Variants in ME1 observed in about 807,000 individuals in gnomAD.
ME1 encodes NADP-dependent malic enzyme.
ME1 carries 74 observed loss-of-function variants against 66.4 expected under a neutral mutation model. That is an observed-to-expected ratio of 1.11 (90% CI 0.92 to 1.35). The LOEUF is 1.35. Ranked by LOEUF, ME1 falls within the 40% of genes most tolerant of loss-of-function variation. ME1 has a pLI of 0.00. For synonymous variants in ME1, 251 were observed against 235.6 expected, an observed-to-expected ratio of 1.07 and a Z score of -0.60; for missense variants, 750 against 694.1, an observed-to-expected ratio of 1.08 and a Z score of -0.90.
chr6:83,430,840 G>C (rs755399618), intron 1 of ME1, 37 bp downstream of exon 1: 1 of 1,533,730 alleles, frequency 6.5e-7, no homozygotes, highest in Non-Finnish European at 8.9e-7. Flanking sequence ...CTGATAGAGA[G>C]GGGCCGATGG....
chr6:83,371,129 T>G (rs552769875), intron 3 of ME1, among the ~76,000 whole-genome samples: 83 of 152,330 alleles, frequency 5.4e-4, no homozygotes, highest in African/African-American at 2.0e-3. Flanking sequence ...TGCTATAAAC[T>G]TTCTAATAAT....
intron 3 of ME1, among the ~76,000 whole-genome samples, chr6:83,373,294 G>A (rs907639445): frequency 4.0e-5 from 6 of 151,872 alleles, no homozygotes; most frequent in African/African-American, 1.5e-4. Flanking sequence ...GGAGTGCAGT[G>A]GTGCGATCTC....
intron 6 of ME1, among the ~76,000 whole-genome samples, chr6:83,313,008 C>T (rs961006487): frequency 3.9e-5 from 6 of 152,146 alleles, no homozygotes; most frequent in East Asian, 3.9e-4. Flanking sequence ...CTGCTTGCCT[C>T]GGCCTTCCAA....
chr6:83,345,220 A>T (rs1455770731), intron 5 of ME1, among the ~76,000 whole-genome samples: 1 of 152,188 alleles, frequency 6.6e-6, no homozygotes, highest in Non-Finnish European at 1.5e-5. Flanking sequence ...CAATTGTTTA[A>T]AGAGGCCAGC....
At chr6:83,261,326 G>T (rs1258940364) in intron 6 of ME1, among the ~76,000 whole-genome samples, 1 of 150,426 alleles carries the variant, frequency 6.6e-6, no homozygotes, top group East Asian at 2.0e-4. Context: ...GTAGATTTAA[G>T]TTCCTTAAAA....
intron 3 of ME1, among the ~76,000 whole-genome samples, chr6:83,374,528 T>G (rs1170491217): frequency 6.6e-6 from 1 of 152,208 alleles, no homozygotes; most frequent in African/African-American, 2.4e-5. Context: ...TGCAAAAATT[T>G]TCTCCCATTC....
chr6:83,232,749 T>A (rs1336884444), intron 9 of ME1, among the ~76,000 whole-genome samples: 1 of 152,086 alleles, frequency 6.6e-6, no homozygotes, highest in Non-Finnish European at 1.5e-5. Context: ...AACTATATAG[T>A]CTGTAGTTTC....
intron 7 of ME1, among the ~76,000 whole-genome samples, chr6:83,252,757 G>A (rs1465584521): frequency 6.6e-6 from 1 of 152,078 alleles, no homozygotes; most frequent in Non-Finnish European, 1.5e-5. Context: ...AAAATGAAGT[G>A]TTTTGTCATT....
At chr6:83,389,714 CT>C (rs1484616209) in intron 3 of ME1, among the ~76,000 whole-genome samples, 1 of 151,836 alleles carries the variant, frequency 6.6e-6, no homozygotes, top group African/African-American at 2.4e-5. Flanking sequence ...GAAAACTTTT[CT>C]TTAAAAAAAA....
chr6:83,306,863 C>A (rs1037329671), intron 6 of ME1, among the ~76,000 whole-genome samples: 1 of 151,992 alleles, frequency 6.6e-6, no homozygotes, highest in Admixed American at 6.6e-5. Flanking sequence ...TGAAATAATG[C>A]ATGCATAAGA....
chr6:83,351,468 A>G (rs1300159375), intron 4 of ME1, among the ~76,000 whole-genome samples: 1 of 152,182 alleles, frequency 6.6e-6, no homozygotes, highest in African/African-American at 2.4e-5. Flanking sequence ...AGGGACTCAG[A>G]GGCCAGCTCT....
At chr6:83,274,549 T>C (rs1445166300) in intron 6 of ME1, among the ~76,000 whole-genome samples, 1 of 152,224 alleles carries the variant, frequency 6.6e-6, no homozygotes, top group Admixed American at 6.5e-5. Context: ...TTAGTATCCA[T>C]TATTTTTGTT....
At chr6:83,227,148 TGAA>T (rs1227350694) in intron 11 of ME1, among the ~76,000 whole-genome samples, 184 bp downstream of exon 11, 5 of 152,202 alleles carry the variant, frequency 3.3e-5, no homozygotes, top group African/African-American at 1.2e-4. Flanking sequence ...TTTATTTTGT[TGAA>T]GAAGAGGATT....
intron 3 of ME1, among the ~76,000 whole-genome samples, chr6:83,368,860 T>C (rs1470680416): frequency 2.6e-5 from 4 of 152,138 alleles, no homozygotes; most frequent in Non-Finnish European, 4.4e-5. Flanking sequence ...TGAGACTCAA[T>C]ATTCTCTGGG....
intron 7 of ME1, among the ~76,000 whole-genome samples, chr6:83,246,466 A>C (rs1790624802): frequency 6.6e-6 from 1 of 152,124 alleles, no homozygotes; most frequent in African/African-American, 2.4e-5. Context: ...TTAATTTACA[A>C]AAAATACCTC....
intron 3 of ME1, among the ~76,000 whole-genome samples, chr6:83,365,005 C>T (rs141061287): frequency 3.3e-5 from 5 of 152,326 alleles, no homozygotes; most frequent in East Asian, 1.9e-4. Flanking sequence ...CACTGGGGCT[C>T]TGTCACCTGG....
chr6:83,271,895 A>C (rs1767088027), intron 6 of ME1, among the ~76,000 whole-genome samples: 1 of 152,328 alleles, frequency 6.6e-6, no homozygotes, highest in East Asian at 1.9e-4. Flanking sequence ...TAGTAGGTGT[A>C]TATATTTATG....
At chr6:83,265,638 T>C (rs1399624709) in intron 6 of ME1, among the ~76,000 whole-genome samples, 2 of 152,184 alleles carry the variant, frequency 1.3e-5, no homozygotes, top group East Asian at 3.8e-4. Context: ...AAAAAATTCA[T>C]GTGACTTGCT....
intron 5 of ME1, among the ~76,000 whole-genome samples, chr6:83,329,438 T>C (rs1352196596): frequency 6.6e-6 from 1 of 152,188 alleles, no homozygotes; most frequent in African/African-American, 2.4e-5. Flanking sequence ...CTAGAATGTA[T>C]GAATAAATTA....
Sources: allele counts gnomAD v4.1 joint callset (sites outside exome capture counted in the v4.1 genomes callset), GRCh38; gene constraint gnomAD v4.1.1; transcripts MANE v1.5; gene names NCBI Gene and HGNC (gene_info 2026-07-23, HGNC 2026-07-21).